The following SDK2 variants were observed in gnomAD, a reference collection of about 807,000 sequenced individuals.
SDK2 encodes sidekick cell adhesion molecule 2.
Under a neutral mutation model 253.9 loss-of-function variants are expected in SDK2, and 105 were observed. That is an observed-to-expected ratio of 0.41 (90% CI 0.35 to 0.49). The LOEUF is 0.49. Ranked by LOEUF, SDK2 falls within the 20% of genes least tolerant of loss-of-function variation. SDK2 has a pLI of 0.06. For synonymous variants in SDK2, 1,249 were observed against 1,234.9 expected (o/e 1.01, Z -0.24); for missense variants, 2,608 against 3,003.0 (o/e 0.87, Z 3.07).
intron 1 of SDK2, among the ~76,000 whole-genome samples, chr17:73,510,191 C>T (rs1197523798): frequency 6.6e-6 from 1 of 152,136 alleles, no homozygotes; most frequent in Non-Finnish European, 1.5e-5. Context: ...TTCCAGGCCT[C>T]ACTGGGTTCA....
chr17:73,348,565 C>T, intron 44 of SDK2, 34 bp downstream of exon 44: 1 of 1,605,602 alleles, frequency 6.2e-7, no homozygotes, highest in African/African-American at 1.3e-5. Context: ...CTGCTCCCTG[C>T]CCCCTGCAGG....
At chr17:73,586,651 A>C (rs1244380615) in intron 1 of SDK2, among the ~76,000 whole-genome samples, 2 of 152,176 alleles carry the variant, frequency 1.3e-5, no homozygotes, top group Non-Finnish European at 2.9e-5. Context: ...CTTGAGTCCC[A>C]GAACCAGACC....
rs1188698020 is a variant in SDK2 at position 73,337,361 on chromosome 17, G to A, written c.*1226C>T. The A allele has an allele frequency of 3.3e-5, 5 of 152,484 alleles. No homozygotes were observed. Among genetic ancestry groups the A allele is most frequent in the Middle Eastern group, 3.4e-3 (1 of 296 alleles). 9.4% of individuals were successfully genotyped at this position (152,484 alleles called of 1,614,324 possible). A position where few individuals can be genotyped will look rare whatever the true frequency, so the allele number is the denominator to read the frequency against. ...ACTTGGGCCACCCCTCTGGGCTCCT[G>A]TGCCTCTGTGCTTAGGAGGCTGCCG... On this transcript the variant is annotated 3_prime_UTR_variant, in exon 45 of 45. Transcript: ENST00000392650.
intron 2 of SDK2, among the ~76,000 whole-genome samples, chr17:73,502,066 G>T (rs1317136700): frequency 1.3e-5 from 2 of 149,788 alleles, no homozygotes; most frequent in Non-Finnish European, 2.9e-5. Flanking sequence ...GCACAGGCTT[G>T]CCTTTGTGTA....
intron 15 of SDK2, among the ~76,000 whole-genome samples, chr17:73,420,896 G>A (rs901305303): frequency 6.6e-6 from 1 of 151,978 alleles, no homozygotes; most frequent in Non-Finnish European, 1.5e-5. Context: ...GGCTGGTCTC[G>A]AACTCCTGAC....
At position 73,495,646 on chromosome 17, in the gene SDK2, T is replaced by G. The variant is rs112431023; in HGVS notation, c.224+11792A>C. 2.5e-3 allele frequency among the ~76,000 whole-genome samples: 301 copies of G among 119,870 alleles called. 2 individuals carry two copies. Among genetic ancestry groups the G allele is most frequent in the Middle Eastern group, 0.011 (2 of 178 alleles). The allele number at this position is 119,870 out of a possible 152,430, so 78.6% of individuals were successfully genotyped here. On this transcript the variant is annotated intron_variant, in intron 2 of 44. Transcript: ENST00000392650. ...TGTGTGTGTGTGTGTGTGTGTGTGT[T>G]TGTTTGTGTATGTGTGTGTGTGCAT...
Position 73,391,430 on chromosome 17 carries a change from A to G in SDK2, c.3997+10T>C. On this transcript the variant is annotated intron_variant, in intron 28 of 44. Transcript: ENST00000392650. The stretch of plus-strand genomic sequence containing the variant: ...CCTGCAGCCGGGGCACGGGAAGGGC[A>G]AAGGCTTACCAAGAATGATGCCATT... 7.7e-7 allele frequency: 1 copy of G among 1,303,814 alleles called. No homozygotes were observed. The highest frequency in any genetic ancestry group is 9.8e-7 in the Non-Finnish European group (1 of 1,016,034). The allele number at this position is 1,303,814 out of a possible 1,614,324, so 80.8% of individuals were successfully genotyped here.
intron 36 of SDK2, among the ~76,000 whole-genome samples, chr17:73,369,369 G>A (rs2062715296): frequency 6.6e-6 from 1 of 152,232 alleles, no homozygotes; most frequent in African/African-American, 2.4e-5. Flanking sequence ...GCAGCTGCTG[G>A]TTAACAGGAA....
intron 18 of SDK2, among the ~76,000 whole-genome samples, chr17:73,402,499 G>A (rs965433639): frequency 6.6e-6 from 1 of 152,214 alleles, no homozygotes; most frequent in African/African-American, 2.4e-5. Context: ...GTTCAAAAAC[G>A]ACTAAGAATT....
At chr17:73,403,352 C>T (rs1257219953) in intron 18 of SDK2, among the ~76,000 whole-genome samples, 7 of 152,142 alleles carry the variant, frequency 4.6e-5, no homozygotes, top group African/African-American at 7.2e-5. Flanking sequence ...GGCGGGGCAT[C>T]GGCAAGAAAG....
chr17:73,556,424 T>C (rs969045067), intron 1 of SDK2, among the ~76,000 whole-genome samples: 2 of 152,228 alleles, frequency 1.3e-5, no homozygotes, highest in African/African-American at 2.4e-5. Flanking sequence ...TGGCTCTCTC[T>C]TGGCTTCCTC....
At chr17:73,358,041 T>C (rs373185379) in intron 40 of SDK2, 38 bp downstream of exon 40, 257 of 1,611,102 alleles carry the variant, frequency 1.6e-4, no homozygotes, top group Middle Eastern at 6.6e-4. Flanking sequence ...AGGGAGATAA[T>C]GAGCTGTGGG....
rs748791399 is a variant in SDK2 at position 73,435,680 on chromosome 17, T to A, written c.1001-36A>T. On this transcript the variant is annotated intron_variant, in intron 8 of 44. Coordinates refer to ENST00000392650, the MANE Select transcript of SDK2 (RefSeq NM_001144952.2). This position sits in a 1 kb window ranked among gnomAD's most constrained non-coding sequence, Gnocchi z 5.7. ...GACGTGGGCCCACCGTCAACCTGCCTCCTGCCTCCTCTCCGCCTAGGAGGG... is the reference window on the plus strand; with the variant it reads ...GACGTGGGCCCACCGTCAACCTGCCACCTGCCTCCTCTCCGCCTAGGAGGG... 3 of 1,508,172 alleles carry A rather than the reference T, an allele frequency of 2.0e-6. No homozygotes were observed. In the Admixed American group the frequency reaches 6.1e-5, roughly 30 times the overall value. 93.4% of individuals were successfully genotyped at this position (1,508,172 alleles called of 1,614,324 possible). A position where few individuals can be genotyped will look rare whatever the true frequency, so the allele number is the denominator to read the frequency against.
chr17:73,352,479 C>T lies in SDK2; in HGVS notation c.5752G>A (p.Val1918Met), dbSNP rs540680710. ...FGTPSSPSQSVPAQKANPFYE... is the reference protein window; with the variant it reads ...FGTPSSPSQSMPAQKANPFYE... ...TCAGCCCCCAGGCCGGTACCTGGCA[C>T]AGACTGGGAGGGGCTGCTGGGGGTG... The change falls in exon 41 of 45, where the codon GTG (valine) becomes ATG (methionine). Residue 1918 changes from valine to methionine, a missense_variant. Around this residue, in one of 2 missense-constraint regions of SDK2, gnomAD observed 1,103 missense variants for 1,143.9 expected, o/e 0.96. Transcript: ENST00000392650. This position sits in a 1 kb window ranked among gnomAD's most constrained non-coding sequence, Gnocchi z 4.1. The T allele has an allele frequency of 1.2e-6, 2 of 1,612,750 alleles. No individual in the cohort carries two copies. Among genetic ancestry groups the T allele is most frequent in the East Asian group, 4.5e-5 (2 of 44,848 alleles).
intron 1 of SDK2, among the ~76,000 whole-genome samples, chr17:73,592,179 A>G (rs984137521): frequency 6.6e-6 from 1 of 152,224 alleles, no homozygotes; most frequent in Non-Finnish European, 1.5e-5. Flanking sequence ...TAAATCCACA[A>G]CTGGAAGAAA....
At position 73,465,290 on chromosome 17, in the gene SDK2, G is replaced by T. The variant is rs913036356; in HGVS notation, c.331+6822C>A. 7.2e-6 allele frequency among the ~76,000 whole-genome samples: 1 copy of T among 139,230 alleles called. No homozygotes were observed. The highest frequency in any genetic ancestry group is 7.3e-5 in the Admixed American group (1 of 13,642). The allele number at this position is 139,230 out of a possible 152,430, so 91.3% of individuals were successfully genotyped here. On this transcript the variant is annotated intron_variant, in intron 3 of 44. Coordinates refer to ENST00000392650, the MANE Select transcript of SDK2 (RefSeq NM_001144952.2). This position sits in a 1 kb window ranked among gnomAD's most constrained non-coding sequence, Gnocchi z 4.2. ...GCCAGCCTCCCAGGATGGGGCAGGC[G>T]CTCTGCCCTGCTGTGGGTGGGTGGG...
rs2045949369 is a variant in SDK2 at position 73,609,600 on chromosome 17, G to GA, written c.64+34424dup. On this transcript the variant is annotated intron_variant, in intron 1 of 44. Coordinates refer to ENST00000392650, the MANE Select transcript of SDK2 (RefSeq NM_001144952.2). This position sits in a 1 kb window ranked among gnomAD's most constrained non-coding sequence, Gnocchi z 4.4. ...AGCTGACAGGGAAAACGGCTCAAGA[G>GA]AAGGTTTGTTTTTTCAAGATGGGAG... 6.6e-6 allele frequency among the ~76,000 whole-genome samples: 1 copy of GA among 152,198 alleles called. No individual in the cohort carries two copies. The highest frequency in any genetic ancestry group is 2.4e-5 in the African/African-American group (1 of 41,450).
chr17:73,429,984 G>A (rs1471581029), intron 12 of SDK2, among the ~76,000 whole-genome samples: 1 of 152,162 alleles, frequency 6.6e-6, no homozygotes, highest in African/African-American at 2.4e-5. Context: ...GGTGACCTCG[G>A]TTTGGAGGCT....
At chr17:73,515,812 G>A (rs2064021774) in intron 1 of SDK2, among the ~76,000 whole-genome samples, 1 of 152,208 alleles carries the variant, frequency 6.6e-6, no homozygotes, top group Non-Finnish European at 1.5e-5. Flanking sequence ...ACTAGAGTTT[G>A]ACCTTATGCA....
Sources: gnomAD v4.1 joint callset for allele counts (sites outside exome capture counted in the v4.1 genomes callset) on GRCh38, gnomAD v4.1.1 for gene constraint, gnomAD v4.1.1 regional missense constraint, Gnocchi (gnomAD v3.1) non-coding constraint, MANE v1.5 for transcripts, NCBI Gene and HGNC (gene_info 2026-07-23, HGNC 2026-07-21) for gene names.